Variants in ZNRF2 observed in about 807,000 individuals in gnomAD.
ZNRF2 encodes the protein E3 ubiquitin-protein ligase ZNRF2.
Under a neutral mutation model 20.4 loss-of-function variants are expected in ZNRF2, and 16 were observed. The ratio of observed to expected loss-of-function variants is 0.79; its 90% confidence interval spans 0.53 to 1.19. The LOEUF is 1.19. Ranked by LOEUF, ZNRF2 falls within the 50% of genes most tolerant of loss-of-function variation. ZNRF2 has a pLI of 0.00. For missense variants in ZNRF2, 363 were observed against 332.4 expected (o/e 1.09, Z -0.72); for synonymous variants, 178 against 144.9 (o/e 1.23, Z -1.64).
chr7:30,340,053 T>C (rs112197715), intron 2 of ZNRF2, among the ~76,000 whole-genome samples: 5,526 of 152,238 alleles, frequency 0.036, 319 homozygotes, highest in African/African-American at 0.11. Flanking sequence ...ATGATTTGGC[T>C]GTTATTGTTG....
intron 1 of ZNRF2, among the ~76,000 whole-genome samples, chr7:30,322,131 TTTTC>T (rs750048217): frequency 3.9e-5 from 6 of 152,338 alleles, no homozygotes; most frequent in Admixed American, 3.3e-4. Context: ...TTCCTGTTTT[TTTTC>T]TTTCTCTTTT....
chr7:30,285,405 C>G lies in ZNRF2; in HGVS notation c.48C>G (p.Arg16=). Residue 16 remains arginine (R), a synonymous_variant, in exon 1 of 5, where the codon CGC becomes CGG. Transcript: ENST00000323037. ...CGGCCGCCGCTAACGGCCGCACGCG[C>G]GCGTACTCGGGCTCGGATCTACCTT... The part of the protein sequence containing the change: ...SGPAAANGRT[R]AYSGSDLPSS... The G allele has an allele frequency of 3.2e-6, 4 of 1,262,778 alleles. No homozygotes were observed. Among genetic ancestry groups the G allele is most frequent in the Non-Finnish European group, 4.0e-6 (4 of 987,764 alleles). The allele number at this position is 1,262,778 out of a possible 1,614,324, so 78.2% of individuals were successfully genotyped here.
Position 30,359,493 on chromosome 7 carries a change from G to C in ZNRF2, c.672-2884G>C, listed in dbSNP as rs190390822. On this transcript the variant is annotated intron_variant, in intron 3 of 4. Coordinates refer to ENST00000323037, the MANE Select transcript of ZNRF2 (RefSeq NM_147128.4). ...GACAATATAATAACAGGATCTTACT[G>C]GTTCTACATAAGATTTTCCAGCACA... Among the ~76,000 whole-genome samples the C allele has an allele frequency of 1.3e-3, 199 of 152,244 alleles. 1 individual carries two copies. The highest frequency in any genetic ancestry group is 4.4e-3 in the African/African-American group (184 of 41,548).
At chr7:30,340,541 T>C (rs532157758) in intron 2 of ZNRF2, among the ~76,000 whole-genome samples, 14 of 152,158 alleles carry the variant, frequency 9.2e-5, no homozygotes, top group Non-Finnish European at 1.9e-4. Context: ...TGTGTACATT[T>C]ATTGATTTGT....
At position 30,285,752 on chromosome 7, in the gene ZNRF2, T is replaced by C; in HGVS notation, c.395T>C (p.Val132Ala). Residue 132 changes from valine to alanine, a missense_variant, in exon 1 of 5, where the codon GTG (valine) becomes GCG (alanine). Coordinates refer to ENST00000323037, the MANE Select transcript of ZNRF2 (RefSeq NM_147128.4). ...GGCGGCGGCGGCCGGGACCGGCCGGTGGGCGGGAGCCCCGGCGGGCCGCGC... is the reference window on the plus strand; with the variant it reads ...GGCGGCGGCGGCCGGGACCGGCCGGCGGGCGGGAGCCCCGGCGGGCCGCGC... The part of the protein sequence containing the change: ...EDGGGGRDRP[V>A]GGSPGGPRLV... 1 of 1,476,476 alleles carries C rather than the reference T, an allele frequency of 6.8e-7. No individual in the cohort carries two copies. Among genetic ancestry groups the C allele is most frequent in the South Asian group, 1.3e-5 (1 of 75,210 alleles). 91.5% of individuals were successfully genotyped at this position (1,476,476 alleles called of 1,614,324 possible).
intron 2 of ZNRF2, among the ~76,000 whole-genome samples, chr7:30,354,310 C>A (rs1800003381): frequency 6.6e-6 from 1 of 152,122 alleles, no homozygotes; most frequent in African/African-American, 2.4e-5. Context: ...GCTCAAATCA[C>A]TCCTAACGTA....
At chr7:30,292,432 G>A (rs1052448241) in intron 1 of ZNRF2, among the ~76,000 whole-genome samples, 1 of 152,058 alleles carries the variant, frequency 6.6e-6, no homozygotes, top group African/African-American at 2.4e-5. Context: ...CTATTCTGGG[G>A]GTACAGCAGT....
intron 3 of ZNRF2, among the ~76,000 whole-genome samples, chr7:30,361,187 G>A (rs1800121297): frequency 6.6e-6 from 1 of 152,166 alleles, no homozygotes; most frequent in Non-Finnish European, 1.5e-5. Context: ...TGTTTTAAGA[G>A]GTTTTCTGGT....
At chr7:30,339,345 G>A (rs1208450079) in intron 2 of ZNRF2, among the ~76,000 whole-genome samples, 3 of 152,180 alleles carry the variant, frequency 2.0e-5, no homozygotes. Context: ...TTTTGCCCAT[G>A]CCGATGTTCT....
chr7:30,319,028 C>G (rs1799421067), intron 1 of ZNRF2, among the ~76,000 whole-genome samples: 1 of 151,890 alleles, frequency 6.6e-6, no homozygotes, highest in African/African-American at 2.4e-5. Flanking sequence ...AAGAGAATCA[C>G]TTGAACCCAG....
intron 2 of ZNRF2, among the ~76,000 whole-genome samples, chr7:30,340,192 A>G (rs1228207700): frequency 6.6e-6 from 1 of 152,160 alleles, no homozygotes; most frequent in African/African-American, 2.4e-5. Context: ...GTCATCTGCA[A>G]GCAGAGACAA....
rs79640313 is a variant in ZNRF2, at chr7:30,290,245, G to A, written c.469+4419G>A. Among the ~76,000 whole-genome samples, 1,401 of 152,290 alleles carry A rather than the reference G, an allele frequency of 9.2e-3. 23 individuals are homozygous for A. Among genetic ancestry groups the A allele is most frequent in the African/African-American group, 0.031 (1,292 of 41,572 alleles). ...AACATAGGCCTTTTTGTGAACAAAG[G>A]GTTCAGAAATACCTTAGGTTCTGAT... On this transcript the variant is annotated intron_variant, in intron 1 of 4. Coordinates refer to ENST00000323037, the MANE Select transcript of ZNRF2 (RefSeq NM_147128.4).
At position 30,284,629 on chromosome 7, in the gene ZNRF2, G is replaced by C. The variant is rs1029977274; in HGVS notation, c.-729G>C. ...CGGGCCGGGCGCACCCTGCAGCCGC[G>C]CCGCTCCGCGGCCTTCCGGCGCGGG... On this transcript the variant is annotated 5_prime_UTR_variant, in exon 1 of 5. Transcript: ENST00000323037. 1 of 153,460 alleles carries C rather than the reference G, an allele frequency of 6.5e-6. No individual in the cohort carries two copies. The allele number at this position is 153,460 out of a possible 1,614,324, so 9.5% of individuals were successfully genotyped here. A position where few individuals can be genotyped will look rare whatever the true frequency, so the allele number is the denominator to read the frequency against.
chr7:30,335,352 G>T (rs1799701130), intron 2 of ZNRF2, among the ~76,000 whole-genome samples: 1 of 152,078 alleles, frequency 6.6e-6, no homozygotes, highest in Non-Finnish European at 1.5e-5. Context: ...AAACAGCATA[G>T]CTGTCCTCAA....
intron 2 of ZNRF2, among the ~76,000 whole-genome samples, chr7:30,344,218 G>C (rs1430449305): frequency 4.0e-5 from 6 of 150,392 alleles, no homozygotes; most frequent in Non-Finnish European, 8.9e-5. Flanking sequence ...CACTGCGCCC[G>C]GCCCCAGCTC....
chr7:30,306,941 C>G (rs1799216124), intron 1 of ZNRF2, among the ~76,000 whole-genome samples: 1 of 152,112 alleles, frequency 6.6e-6, no homozygotes. Context: ...ATTCTGGGTG[C>G]ATAGATTTAA....
chr7:30,362,457 G>C lies in ZNRF2; in HGVS notation c.*22+1G>C. On this transcript the variant is annotated splice_donor_variant, in intron 4 of 4. Coordinates refer to ENST00000323037, the MANE Select transcript of ZNRF2 (RefSeq NM_147128.4). LOFTEE classifies it low-confidence loss of function (3UTR_SPLICE). ...TAAGCGTCAGCTTCCTGTTTTATAG[G>C]TAATTTTTTTTGTAATTACTTTTTA... 1 of 1,578,044 alleles carries C rather than the reference G, an allele frequency of 6.3e-7. No homozygotes were observed. Among genetic ancestry groups the C allele is most frequent in the Non-Finnish European group, 8.6e-7 (1 of 1,159,140 alleles).
At chr7:30,341,364 T>C (rs1799793492) in intron 2 of ZNRF2, among the ~76,000 whole-genome samples, 1 of 152,200 alleles carries the variant, frequency 6.6e-6, no homozygotes, top group Non-Finnish European at 1.5e-5. Context: ...CTTTCTCCTG[T>C]GGGCATTTTA....
At chr7:30,346,152 T>C (rs1285477999) in intron 2 of ZNRF2, among the ~76,000 whole-genome samples, 1 of 149,972 alleles carries the variant, frequency 6.7e-6, no homozygotes, top group East Asian at 1.9e-4. Flanking sequence ...CAGTGTTTTT[T>C]TTTTTCTGTT....
Sources: allele counts gnomAD v4.1 joint callset (sites outside exome capture counted in the v4.1 genomes callset), GRCh38; gene constraint gnomAD v4.1.1; transcripts MANE v1.5; gene names NCBI Gene and HGNC (gene_info 2026-07-23, HGNC 2026-07-21).